TTC17: variants seen among roughly 807,000 people sequenced by gnomAD.
TTC17 encodes the protein tetratricopeptide repeat protein 17.
A neutral mutation model predicts 143.8 loss-of-function variants in TTC17; 58 were observed. That is an observed-to-expected ratio of 0.40 (90% CI 0.33 to 0.50). TTC17 has a LOEUF of 0.50. Ranked by LOEUF, TTC17 falls within the 20% of genes least tolerant of loss-of-function variation. The pLI is 0.49. For synonymous variants in TTC17, 501 were observed against 497.8 expected (o/e 1.01, Z -0.09); for missense variants, 1,273 against 1,392.5 (o/e 0.91, Z 1.37).
At chr11:43,423,574 C>A (rs1470373987) in intron 16 of TTC17, among the ~76,000 whole-genome samples, 6 of 152,126 alleles carry the variant, frequency 3.9e-5, no homozygotes, top group Admixed American at 3.9e-4. Context: ...TGAATTGATT[C>A]ATTTGCAAGC....
intron 16 of TTC17, among the ~76,000 whole-genome samples, chr11:43,432,231 G>T (rs1342096256): frequency 3.8e-4 from 2 of 5,200 alleles, no homozygotes; most frequent in African/African-American, 4.1e-4. Flanking sequence ...ACTTTACTTT[G>T]ACAAGTATAT....
chr11:43,424,507 C>T (rs1028644136), intron 16 of TTC17, among the ~76,000 whole-genome samples: 1 of 152,104 alleles, frequency 6.6e-6, no homozygotes, highest in Non-Finnish European at 1.5e-5. Flanking sequence ...GGTGGCTTCA[C>T]GCCTGTAACC....
At chr11:43,423,748 CAT>C (rs923946100) in intron 16 of TTC17, among the ~76,000 whole-genome samples, 2 of 152,016 alleles carry the variant, frequency 1.3e-5, no homozygotes, top group African/African-American at 4.8e-5. Flanking sequence ...TAAAGAAAAA[CAT>C]TATGTTAAGT....
At position 43,404,138 on chromosome 11, in the gene TTC17, A is replaced by G; in HGVS notation, c.1473A>G (p.Ala491=). Residue 491 remains alanine (A), a synonymous_variant, in exon 11 of 24, where the codon GCA becomes GCG. Transcript: ENST00000039989. ...ILWIWGRDSD[A]YRDKQHILWP... is the part of the protein sequence containing the mutation. ...GGATTTGGGGCAGGGACTCTGATGCATATAGGGTAAGTTAATAGAGGATGA... is the reference window on the plus strand; with the variant it reads ...GGATTTGGGGCAGGGACTCTGATGCGTATAGGGTAAGTTAATAGAGGATGA... 1 of 1,606,052 alleles carries G rather than the reference A, an allele frequency of 6.2e-7. No homozygotes were observed. Among genetic ancestry groups the G allele is most frequent in the Non-Finnish European group, 8.5e-7 (1 of 1,177,628 alleles).
intron 17 of TTC17, 63 bp downstream of exon 17, chr11:43,443,647 G>A: frequency 1.3e-6 from 2 of 1,539,706 alleles, no homozygotes; most frequent in Non-Finnish European, 1.7e-6. Context: ...ATCCTAATAT[G>A]CAAAGTGGGA....
At chr11:43,382,816 A>G (rs1303816181) in intron 2 of TTC17, among the ~76,000 whole-genome samples, 7 of 152,200 alleles carry the variant, frequency 4.6e-5, no homozygotes, top group Non-Finnish European at 1.5e-5. Context: ...TTGAGTACCT[A>G]GTCAGCAAAT....
intron 21 of TTC17, among the ~76,000 whole-genome samples, chr11:43,454,397 A>T (rs1252953389): frequency 6.6e-6 from 1 of 152,180 alleles, no homozygotes; most frequent in African/African-American, 2.4e-5. Flanking sequence ...ACCTGAAAAT[A>T]GTATGCAAAT....
intron 7 of TTC17, among the ~76,000 whole-genome samples, 182 bp downstream of exon 7, chr11:43,397,673 A>G (rs561438605): frequency 6.6e-6 from 1 of 151,820 alleles, no homozygotes; most frequent in East Asian, 1.9e-4. Context: ...CCTCTTGCCA[A>G]AAAAACAATA....
At chr11:43,475,726 C>T (rs1015647283) in intron 21 of TTC17, among the ~76,000 whole-genome samples, 1 of 152,166 alleles carries the variant, frequency 6.6e-6, no homozygotes, top group East Asian at 1.9e-4. Flanking sequence ...TCAGTTATCA[C>T]GTTGGTGCTC....
chr11:43,396,597 T>C (rs916264128), intron 5 of TTC17, 112 bp from the exon 6 acceptor site: 1 of 533,916 alleles, frequency 1.9e-6, no homozygotes, highest in Non-Finnish European at 3.3e-6. Context: ...TCAGTCTGGC[T>C]CTTCTTCATC....
intron 19 of TTC17, 188 bp from the exon 20 acceptor site, chr11:43,449,894 C>G: frequency 1.6e-6 from 1 of 631,320 alleles, no homozygotes; most frequent in Non-Finnish European, 2.6e-6. Flanking sequence ...GTATTTATCA[C>G]CACTTATATC....
chr11:43,415,439 G>A (rs10768951), intron 16 of TTC17, among the ~76,000 whole-genome samples: 140,106 of 152,240 alleles, frequency 0.92, 64,657 homozygotes, highest in Non-Finnish European at 0.95. Flanking sequence ...AAATAAAATC[G>A]TGAATTTTAA....
At chr11:43,490,408 T>G (rs1167038860) in intron 22 of TTC17, 50 bp downstream of exon 22, 1 of 1,546,656 alleles carries the variant, frequency 6.5e-7, no homozygotes, top group Non-Finnish European at 8.8e-7. Context: ...TCCTTTCCAT[T>G]CCCCATGGTT....
intron 16 of TTC17, among the ~76,000 whole-genome samples, chr11:43,429,936 G>A (rs867999936): frequency 1.3e-5 from 2 of 152,166 alleles, no homozygotes; most frequent in African/African-American, 2.4e-5. Flanking sequence ...TAGGAAAACC[G>A]TTAGAATATT....
intron 21 of TTC17, among the ~76,000 whole-genome samples, chr11:43,484,161 T>G (rs1301706508): frequency 6.6e-6 from 1 of 151,888 alleles, no homozygotes; most frequent in African/African-American, 2.4e-5. Context: ...AAGAAATAAA[T>G]TAATGGCATA....
At chr11:43,485,637 T>C (rs1948365378) in intron 21 of TTC17, among the ~76,000 whole-genome samples, 1 of 152,050 alleles carries the variant, frequency 6.6e-6, no homozygotes, top group Admixed American at 6.6e-5. Flanking sequence ...GAAAAATGCA[T>C]TAAAGATATT....
intron 1 of TTC17, among the ~76,000 whole-genome samples, chr11:43,368,488 T>C (rs1296952940): frequency 1.3e-5 from 2 of 152,230 alleles, no homozygotes; most frequent in African/African-American, 4.8e-5. Flanking sequence ...AAACCCAACG[T>C]AGTAATAACT....
chr11:43,393,880 A>G (rs1427142467), intron 5 of TTC17, among the ~76,000 whole-genome samples: 1 of 152,232 alleles, frequency 6.6e-6, no homozygotes, highest in East Asian at 1.9e-4. Flanking sequence ...GGGAAGTCTA[A>G]GATCAAGGTC....
At chr11:43,406,712 C>T (rs1451639049) in intron 13 of TTC17, among the ~76,000 whole-genome samples, 6 of 152,054 alleles carry the variant, frequency 3.9e-5, no homozygotes, top group African/African-American at 1.4e-4. Flanking sequence ...TGATCTGTGC[C>T]TTAGAGTTGT....
Sources: allele counts gnomAD v4.1 joint callset (sites outside exome capture counted in the v4.1 genomes callset), GRCh38; gene constraint gnomAD v4.1.1; transcripts MANE v1.5; gene names NCBI Gene and HGNC (gene_info 2026-07-23, HGNC 2026-07-21).